CPPED1: variants seen among roughly 807,000 people sequenced by gnomAD.
CPPED1 encodes the protein serine/threonine-protein phosphatase CPPED1.
In CPPED1, 28 loss-of-function variants were observed where a neutral mutation model predicts 28.0. The observed-to-expected ratio is 1.00, with a 90% CI of 0.74 to 1.37. The LOEUF is 1.37. Among genes scored for constraint, CPPED1 ranks in the 40% most tolerant of loss-of-function variants. The probability of loss-of-function intolerance (pLI) is 0.00; values close to 1 mark genes in which losing one functional copy is unlikely to be tolerated. For missense variants in CPPED1, 504 were observed against 416.5 expected, an observed-to-expected ratio of 1.21 and a Z score of -1.83; for synonymous variants, 198 against 180.2, an observed-to-expected ratio of 1.10 and a Z score of -0.79.
intron 2 of CPPED1, among the ~76,000 whole-genome samples, chr16:12,776,665 A>G (rs1428389806): frequency 6.6e-6 from 1 of 152,164 alleles, no homozygotes; most frequent in Non-Finnish European, 1.5e-5. Context: ...TCACGCCTGT[A>G]ATCACAGCAC....
At chr16:12,756,481 G>A (rs1016544672) in intron 2 of CPPED1, among the ~76,000 whole-genome samples, 4 of 152,094 alleles carry the variant, frequency 2.6e-5, no homozygotes, top group Admixed American at 2.6e-4. Context: ...GACCACTTGA[G>A]GTCAGTTCGA....
intron 2 of CPPED1, among the ~76,000 whole-genome samples, chr16:12,744,491 T>C (rs954732309): frequency 5.9e-5 from 9 of 152,148 alleles, no homozygotes; most frequent in African/African-American, 1.2e-4. Flanking sequence ...GAAGCCACAG[T>C]ACTTGAGACA....
At chr16:12,755,251 T>A (rs2080357678) in intron 2 of CPPED1, among the ~76,000 whole-genome samples, 1 of 150,986 alleles carries the variant, frequency 6.6e-6, no homozygotes, top group Non-Finnish European at 1.5e-5. Flanking sequence ...TCTCTCAGGG[T>A]AACCTTCTCA....
chr16:12,759,858 C>T (rs2080397929), intron 2 of CPPED1, among the ~76,000 whole-genome samples: 1 of 152,188 alleles, frequency 6.6e-6, no homozygotes, highest in Admixed American at 6.5e-5. Flanking sequence ...ACAATTAAAC[C>T]CGTATCAGGT....
At chr16:12,786,661 C>T (rs2080565169) in intron 1 of CPPED1, among the ~76,000 whole-genome samples, 1 of 152,192 alleles carries the variant, frequency 6.6e-6, no homozygotes, top group Non-Finnish European at 1.5e-5. Flanking sequence ...TGGCTCACAC[C>T]TGTAATCCCA....
Position 12,790,045 on chromosome 16 carries a change from C to G in CPPED1, c.71-8642G>C, listed in dbSNP as rs546784160. Among the ~76,000 whole-genome samples, 10 of 152,190 alleles carry G rather than the reference C, an allele frequency of 6.6e-5. No individual in the cohort carries two copies. The South Asian group carries it at 2.1e-3, about 32-fold the overall frequency. On this transcript the variant is annotated intron_variant, in intron 1 of 3. Transcript: ENST00000381774. ...ATTTTGGGTAATATCAAGCTAAGGA[C>G]AGAAAGGCCTGTAGGTTTTCTTTAA...
intron 2 of CPPED1, 62 bp downstream of exon 2, chr16:12,781,123 G>A (rs2080527856): frequency 6.8e-6 from 10 of 1,466,034 alleles, no homozygotes; most frequent in Middle Eastern, 1.8e-4. Context: ...TTTTTCTCCT[G>A]CCCAAATGCA....
rs546158153 is a variant in CPPED1, at chr16:12,770,025, T to C, written c.289+11160A>G. 7.2e-5 allele frequency among the ~76,000 whole-genome samples: 11 copies of C among 152,314 alleles called. No individual in the cohort carries two copies. In the East Asian group the frequency reaches 2.1e-3, roughly 29 times the overall value. On this transcript the variant is annotated intron_variant, in intron 2 of 3. Transcript: ENST00000381774. ...AAAACAAACAGATCCTACTTTAATATGAACAAAACGGTTTCTGTTCAATGG... is the reference window on the plus strand; with the variant it reads ...AAAACAAACAGATCCTACTTTAATACGAACAAAACGGTTTCTGTTCAATGG...
At chr16:12,740,479 G>T (rs563887767) in intron 2 of CPPED1, among the ~76,000 whole-genome samples, 8 of 151,036 alleles carry the variant, frequency 5.3e-5, no homozygotes, top group Non-Finnish European at 8.8e-5. Flanking sequence ...TTAAAAACCC[G>T]TAGCCAAAAG....
At chr16:12,713,016 G>A (rs1004598310) in intron 2 of CPPED1, among the ~76,000 whole-genome samples, 1 of 151,988 alleles carries the variant, frequency 6.6e-6, no homozygotes, top group African/African-American at 2.4e-5. Context: ...AAGTGACAAG[G>A]CCAATTGTGT....
chr16:12,707,560 G>A (rs963234672), intron 2 of CPPED1, among the ~76,000 whole-genome samples: 1 of 152,134 alleles, frequency 6.6e-6, no homozygotes. Flanking sequence ...GATTTTCAAA[G>A]TCATTAAGTA....
intron 1 of CPPED1, 22 bp from the exon 2 acceptor site, chr16:12,781,425 A>C: frequency 6.2e-7 from 1 of 1,603,044 alleles, no homozygotes; most frequent in Non-Finnish European, 8.5e-7. Flanking sequence ...AGAGAGGGAG[A>C]AAGAAGGAGA....
At chr16:12,797,948 T>C (rs1472781444) in intron 1 of CPPED1, among the ~76,000 whole-genome samples, 2 of 151,486 alleles carry the variant, frequency 1.3e-5, no homozygotes, top group African/African-American at 4.9e-5. Context: ...CCAGGCATGG[T>C]GGTGCACGCC....
intron 2 of CPPED1, among the ~76,000 whole-genome samples, chr16:12,730,763 GA>G (rs2141204856): frequency 6.6e-6 from 1 of 152,322 alleles, no homozygotes; most frequent in South Asian, 2.1e-4. Flanking sequence ...CCTGGTGACA[GA>G]ACGTTGACTG....
At chr16:12,681,663 G>A (rs992165596) in intron 3 of CPPED1, among the ~76,000 whole-genome samples, 2 of 152,108 alleles carry the variant, frequency 1.3e-5, no homozygotes, top group Admixed American at 6.5e-5. Flanking sequence ...GTGCATTCTC[G>A]GCTTCATTAG....
chr16:12,744,653 G>C (rs887331371), intron 2 of CPPED1, among the ~76,000 whole-genome samples: 1 of 152,086 alleles, frequency 6.6e-6, no homozygotes, highest in Non-Finnish European at 1.5e-5. Flanking sequence ...TGAGAAAATA[G>C]AGCTGGGAGT....
Position 12,803,796 on chromosome 16 carries a change from T to G in CPPED1, c.-20A>C, listed in dbSNP as rs1158688668. The G allele has an allele frequency of 3.8e-6, 6 of 1,596,414 alleles. No homozygotes were observed. Among genetic ancestry groups the G allele is most frequent in the Non-Finnish European group, 5.1e-6 (6 of 1,172,606 alleles). On this transcript the variant is annotated 5_prime_UTR_variant, in exon 1 of 4. Coordinates refer to ENST00000381774, the MANE Select transcript of CPPED1 (RefSeq NM_018340.3). ...CGACATGGCGAGCGAGTTTCTGGCC[T>G]TCACTTAGAACACTGCGTGGGTGGA...
chr16:12,684,631 G>A (rs1174484728), intron 3 of CPPED1, among the ~76,000 whole-genome samples: 1 of 152,166 alleles, frequency 6.6e-6, no homozygotes, highest in African/African-American at 2.4e-5. Flanking sequence ...CCTGGTGAAG[G>A]TGCACAGGGC....
Position 12,709,255 on chromosome 16 carries a change from A to C in CPPED1, c.290-4206T>G, listed in dbSNP as rs2141190048. 6.6e-6 allele frequency among the ~76,000 whole-genome samples: 1 copy of C among 152,316 alleles called. No individual in the cohort carries two copies. Among genetic ancestry groups the C allele is most frequent in the Middle Eastern group, 3.4e-3 (1 of 294 alleles). The stretch of plus-strand genomic sequence containing the variant: ...ATAAAGGACAGGAAGAAAGGCAGGG[A>C]AACAAGGGGAAAGACTCTGAAAAAT... On this transcript the variant is annotated intron_variant, in intron 2 of 3. Transcript: ENST00000381774. This position sits in a 1 kb window ranked among gnomAD's most constrained non-coding sequence, Gnocchi z 4.4.
Sources: gnomAD v4.1 joint callset for allele counts (sites outside exome capture counted in the v4.1 genomes callset) on GRCh38, gnomAD v4.1.1 for gene constraint, Gnocchi (gnomAD v3.1) non-coding constraint, MANE v1.5 for transcripts, NCBI Gene and HGNC (gene_info 2026-07-23, HGNC 2026-07-21) for gene names.